GRIK4: variants seen among roughly 807,000 people sequenced by gnomAD.
GRIK4 encodes glutamate receptor ionotropic, kainate 4.
In GRIK4, 40 loss-of-function variants were observed where a neutral mutation model predicts 104.9. That is an observed-to-expected ratio of 0.38 (90% CI 0.30 to 0.50). The LOEUF is 0.50. GRIK4 is among the 20% of genes least tolerant of loss of function. The probability of loss-of-function intolerance (pLI) is 0.93; values close to 1 mark genes in which losing one functional copy is unlikely to be tolerated. For synonymous variants in GRIK4, 485 were observed against 524.9 expected (o/e 0.92, Z 1.04); for missense variants, 1,047 against 1,308.1 (o/e 0.80, Z 3.08).
chr11:120,731,538 A>G (rs988814431), intron 3 of GRIK4, among the ~76,000 whole-genome samples: 1 of 151,974 alleles, frequency 6.6e-6, no homozygotes, highest in African/African-American at 2.4e-5. Flanking sequence ...TATTTTTGAT[A>G]TGTCTTTGTC....
chr11:120,605,552 C>G (rs1948949594), intron 1 of GRIK4, among the ~76,000 whole-genome samples: 2 of 152,348 alleles, frequency 1.3e-5, no homozygotes, highest in Middle Eastern at 3.4e-3. Flanking sequence ...AGCTGTTGTC[C>G]ATGGCTTTTG....
At chr11:120,860,136 C>T (rs1437370160) in intron 8 of GRIK4, among the ~76,000 whole-genome samples, 9 of 152,206 alleles carry the variant, frequency 5.9e-5, no homozygotes, top group African/African-American at 9.7e-5. Context: ...GAGTGGCTGA[C>T]GGGCTAGTCC....
intron 3 of GRIK4, among the ~76,000 whole-genome samples, chr11:120,781,366 T>C (rs4936549): frequency 0.31 from 47,743 of 151,994 alleles, 8,815 homozygotes; most frequent in Middle Eastern, 0.51. Flanking sequence ...TTTTTATTTT[T>C]TAGAGATAAA....
At chr11:120,814,428 C>T (rs1253111152) in intron 4 of GRIK4, among the ~76,000 whole-genome samples, 3 of 152,010 alleles carry the variant, frequency 2.0e-5, no homozygotes, top group African/African-American at 7.3e-5. Context: ...GGTGAAACCC[C>T]GTCGCTACTA....
At chr11:120,793,276 GC>G (rs1176908491) in intron 3 of GRIK4, among the ~76,000 whole-genome samples, 12 of 152,084 alleles carry the variant, frequency 7.9e-5, no homozygotes, top group African/African-American at 2.9e-4. Context: ...CATTTGAGAA[GC>G]CTGGCTTGCA....
chr11:120,585,449 A>T (rs908168205), intron 1 of GRIK4, among the ~76,000 whole-genome samples: 1 of 151,882 alleles, frequency 6.6e-6, no homozygotes, highest in Non-Finnish European at 1.5e-5. Flanking sequence ...TCCTGGTTCA[A>T]GCGATTCTGG....
At chr11:120,660,654 A>G (rs916791878) in intron 3 of GRIK4, among the ~76,000 whole-genome samples, 2 of 152,210 alleles carry the variant, frequency 1.3e-5, no homozygotes, top group African/African-American at 4.8e-5. Flanking sequence ...CAGTCAATGT[A>G]GGTTCAGCCT....
At position 120,860,098 on chromosome 11, in the gene GRIK4, A is replaced by G. The variant is rs974062757; in HGVS notation, c.745-1861A>G. ...TCTTCCTGGCCAGAAGGAAAGCCTA[A>G]GGCACTTGCCATCTGTCATGTCAGG... On this transcript the variant is annotated intron_variant, in intron 8 of 20. Coordinates refer to ENST00000527524, the MANE Select transcript of GRIK4 (RefSeq NM_014619.5). 6.6e-5 allele frequency among the ~76,000 whole-genome samples: 10 copies of G among 152,340 alleles called. No homozygotes were observed. In the East Asian group the frequency reaches 1.7e-3, roughly 26 times the overall value.
chr11:120,896,465 A>G (rs1942584497), intron 11 of GRIK4, among the ~76,000 whole-genome samples: 1 of 152,236 alleles, frequency 6.6e-6, no homozygotes, highest in Non-Finnish European at 1.5e-5. Context: ...ACCCTTTTCC[A>G]GGTGGCATTC....
chr11:120,645,081 T>A (rs1483236708), intron 1 of GRIK4, among the ~76,000 whole-genome samples: 1 of 152,162 alleles, frequency 6.6e-6, no homozygotes, highest in African/African-American at 2.4e-5. Context: ...GCCTTGTATA[T>A]GTGTATGTCT....
chr11:120,920,387 A>G (rs1943201321), intron 13 of GRIK4, among the ~76,000 whole-genome samples: 2 of 151,822 alleles, frequency 1.3e-5, no homozygotes, highest in African/African-American at 2.4e-5. Context: ...CGGTCCCCAA[A>G]CACATGCCCA....
At chr11:120,865,903 G>A (rs963468344) in intron 9 of GRIK4, among the ~76,000 whole-genome samples, 4 of 151,884 alleles carry the variant, frequency 2.6e-5, no homozygotes, top group Non-Finnish European at 4.4e-5. Context: ...GCCTCAGGAC[G>A]CTTCCATTCT....
intron 14 of GRIK4, among the ~76,000 whole-genome samples, chr11:120,948,833 A>G (rs1335021985): frequency 2.6e-5 from 4 of 152,180 alleles, no homozygotes; most frequent in African/African-American, 9.7e-5. Context: ...ATACAGCTCT[A>G]TGAGTTAACT....
chr11:120,821,691 A>G (rs538749570), intron 6 of GRIK4, among the ~76,000 whole-genome samples: 30 of 152,356 alleles, frequency 2.0e-4, no homozygotes, highest in Admixed American at 1.3e-3. Context: ...AGTTGAACTC[A>G]AAGCCTTGTT....
chr11:120,558,344 T>A (rs958707145), intron 1 of GRIK4, among the ~76,000 whole-genome samples: 1 of 152,266 alleles, frequency 6.6e-6, no homozygotes, highest in African/African-American at 2.4e-5. Flanking sequence ...TCCCAGCACT[T>A]TGGGAGGCCG....
Position 120,524,806 on chromosome 11 carries a change from T to A in GRIK4, c.-159+12919T>A, listed in dbSNP as rs1363328084. 6.6e-6 allele frequency among the ~76,000 whole-genome samples: 1 copy of A among 152,040 alleles called. No individual in the cohort carries two copies. The highest frequency in any genetic ancestry group is 1.5e-5 in the Non-Finnish European group (1 of 68,012). On this transcript the variant is annotated intron_variant, in intron 1 of 20. Transcript: ENST00000527524. The surrounding 1 kb of genome is among the most constrained non-coding windows in gnomAD (Gnocchi z 4.5). ...GGGGGCATTTATCATCACGCGGAGC[T>A]AGTTACGTGGCAGGGCACTGGGCAG...
intron 2 of GRIK4, 27 bp from the exon 3 acceptor site, chr11:120,660,242 A>AC (rs1324528521): frequency 9.8e-7 from 1 of 1,022,264 alleles, no homozygotes; most frequent in African/African-American, 1.6e-5. Context: ...CCTGGGACTC[A>AC]CGTGCCCCCA....
intron 3 of GRIK4, among the ~76,000 whole-genome samples, chr11:120,772,336 T>C (rs1951962776): frequency 1.3e-5 from 2 of 152,182 alleles, no homozygotes; most frequent in South Asian, 2.1e-4. Context: ...ACAGCCAGTA[T>C]ATTAGATGTC....
At chr11:120,515,844 G>A (rs534657402) in intron 1 of GRIK4, among the ~76,000 whole-genome samples, 1 of 152,350 alleles carries the variant, frequency 6.6e-6, no homozygotes, top group Non-Finnish European at 1.5e-5. Context: ...TTATGGGAAG[G>A]AAGGAAGGAA....
Sources: allele counts gnomAD v4.1 joint callset (sites outside exome capture counted in the v4.1 genomes callset), GRCh38; gene constraint gnomAD v4.1.1; non-coding constraint Gnocchi (gnomAD v3.1); transcripts MANE v1.5; gene names NCBI Gene and HGNC (gene_info 2026-07-23, HGNC 2026-07-21).